The following RBFOX3 variants were observed in gnomAD, a reference collection of about 807,000 sequenced individuals.
RBFOX3 encodes RNA binding fox-1 homolog 3, also known as RNA binding protein fox-1 homolog 3.
In RBFOX3, 17 loss-of-function variants were observed where a neutral mutation model predicts 48.7. The observed-to-expected ratio is 0.35, with a 90% CI of 0.24 to 0.52. RBFOX3 has a LOEUF of 0.52. Among genes scored for constraint, RBFOX3 ranks in the 20% least tolerant of loss-of-function variants. RBFOX3 has a pLI of 0.94. For synonymous variants in RBFOX3, 212 were observed against 209.5 expected (o/e 1.01, Z -0.10); for missense variants, 382 against 497.5 (o/e 0.77, Z 2.21).
At chr17:79,105,669 G>A (rs182711448) in intron 6 of RBFOX3, among the ~76,000 whole-genome samples, 292 of 152,248 alleles carry the variant, frequency 1.9e-3, no homozygotes, top group Non-Finnish European at 2.3e-3. Flanking sequence ...GGCTGCCAGA[G>A]GTGCTTCCAG....
chr17:79,620,192 TG>T, the RBFOX3 span, among the ~76,000 whole-genome samples: 3 of 128,490 alleles, frequency 2.3e-5, no homozygotes, highest in Non-Finnish European at 4.8e-5. Flanking sequence ...CATGTGCACA[TG>T]CACACACGTG....
intron 1 of RBFOX3, among the ~76,000 whole-genome samples, chr17:79,561,833 C>T (rs2092241035): frequency 6.6e-6 from 1 of 152,200 alleles, no homozygotes; most frequent in Admixed American, 6.5e-5. Flanking sequence ...CCCGTCCACA[C>T]CTGTGTCTGG....
At chr17:79,229,802 C>T (rs1353247772) in intron 4 of RBFOX3, among the ~76,000 whole-genome samples, 4 of 152,120 alleles carry the variant, frequency 2.6e-5, no homozygotes, top group African/African-American at 4.8e-5. Flanking sequence ...TTGCCTTGGC[C>T]ACTTCCAACG....
chr17:79,113,812 C>T (rs1662687386), intron 5 of RBFOX3, among the ~76,000 whole-genome samples: 2 of 152,198 alleles, frequency 1.3e-5, no homozygotes, highest in Admixed American at 1.3e-4. Flanking sequence ...TCTTTGTAGC[C>T]TCAGTGCCAA....
At chr17:79,172,718 C>G (rs571250488) in intron 4 of RBFOX3, among the ~76,000 whole-genome samples, 1 of 152,174 alleles carries the variant, frequency 6.6e-6, no homozygotes, top group Non-Finnish European at 1.5e-5. Context: ...GTCCTGGAAA[C>G]GTGGCTTGTC....
At chr17:79,241,859 G>A (rs1019510100) in intron 3 of RBFOX3, among the ~76,000 whole-genome samples, 6 of 152,020 alleles carry the variant, frequency 3.9e-5, no homozygotes, top group Non-Finnish European at 7.4e-5. Flanking sequence ...TTCTTGTAAG[G>A]GCACTAATCC....
chr17:79,150,336 G>A (rs2044146886), intron 4 of RBFOX3, among the ~76,000 whole-genome samples: 2 of 152,046 alleles, frequency 1.3e-5, no homozygotes, highest in African/African-American at 4.8e-5. Context: ...AGTGGCTGCT[G>A]TGGGCCTGGG....
At chr17:79,338,553 C>T (rs561602761) in intron 2 of RBFOX3, among the ~76,000 whole-genome samples, 1 of 152,294 alleles carries the variant, frequency 6.6e-6, no homozygotes, top group East Asian at 1.9e-4. Context: ...CGCACCGCTG[C>T]TATTAGCCTG....
In RBFOX3 at chr17:79,356,471, C is replaced by T. The variant is rs773828607; in HGVS notation, c.-174-48647G>A. 2.1e-5 allele frequency among the ~76,000 whole-genome samples: 3 copies of T among 142,770 alleles called. No homozygotes were observed. In the East Asian group the frequency reaches 6.4e-4, roughly 31 times the overall value. 93.7% of individuals were successfully genotyped at this position (142,770 alleles called of 152,430 possible). A position where few individuals can be genotyped will look rare whatever the true frequency, so the allele number is the denominator to read the frequency against. On this transcript the variant is annotated intron_variant, in intron 2 of 14. Coordinates refer to ENST00000693108, the MANE Select transcript of RBFOX3 (RefSeq NM_001350451.2). ...GCAAGCTCCACCTCCCAGGTTCAAG[C>T]GATTCTCCTGCCTCAGCCTCCCAGG...
At chr17:79,177,617 G>A (rs2050883792) in intron 4 of RBFOX3, among the ~76,000 whole-genome samples, 1 of 152,178 alleles carries the variant, frequency 6.6e-6, no homozygotes, top group East Asian at 1.9e-4. Flanking sequence ...CCAAGCCCAG[G>A]TCCTCAGGTG....
chr17:79,462,751 G>A (rs1568292854), intron 2 of RBFOX3, among the ~76,000 whole-genome samples: 1 of 152,098 alleles, frequency 6.6e-6, no homozygotes, highest in Non-Finnish European at 1.5e-5. Context: ...TCCCAGATAC[G>A]GAATTATAAA....
chr17:79,498,124 CTG>C (rs2149693029), intron 1 of RBFOX3, among the ~76,000 whole-genome samples: 1 of 152,354 alleles, frequency 6.6e-6, no homozygotes, highest in South Asian at 2.1e-4. Flanking sequence ...AGAACACAGA[CTG>C]AGGCCTGGCA....
intron 2 of RBFOX3, among the ~76,000 whole-genome samples, chr17:79,339,344 C>G (rs1282490818): frequency 1.3e-5 from 2 of 152,240 alleles, no homozygotes; most frequent in African/African-American, 2.4e-5. Flanking sequence ...GCATGAGCCA[C>G]TGTGTCCAGC....
chr17:79,465,447 A>G (rs1440825921), intron 2 of RBFOX3, among the ~76,000 whole-genome samples: 6 of 152,082 alleles, frequency 3.9e-5, no homozygotes, highest in Non-Finnish European at 5.9e-5. Flanking sequence ...GGCCCTGCCC[A>G]GCGAACAGAT....
chr17:79,628,006 G>A, the RBFOX3 span, among the ~76,000 whole-genome samples: 126 of 149,934 alleles, frequency 8.4e-4, 1 homozygote, highest in African/African-American at 2.9e-3. Context: ...CAGAACAACT[G>A]CACAGAGGCT....
At chr17:79,509,685 C>T (rs2083809580) in intron 1 of RBFOX3, among the ~76,000 whole-genome samples, 3 of 152,110 alleles carry the variant, frequency 2.0e-5, no homozygotes, top group African/African-American at 4.8e-5. Flanking sequence ...CCTTTCCCTC[C>T]GTCATCCATC....
intron 4 of RBFOX3, among the ~76,000 whole-genome samples, chr17:79,128,538 C>T (rs184332891): frequency 1.3e-5 from 2 of 152,350 alleles, no homozygotes; most frequent in East Asian, 3.9e-4. Context: ...CGCCCAGAAA[C>T]AGGCCACCTC....
chr17:79,128,653 C>A (rs921229419), intron 4 of RBFOX3, among the ~76,000 whole-genome samples: 2 of 152,164 alleles, frequency 1.3e-5, no homozygotes, highest in African/African-American at 4.8e-5. Flanking sequence ...GCATGGAACA[C>A]CCCCAAAAGC....
At chr17:79,372,091 G>A (rs370665502) in intron 2 of RBFOX3, among the ~76,000 whole-genome samples, 19 of 152,084 alleles carry the variant, frequency 1.2e-4, no homozygotes, top group Middle Eastern at 3.4e-3. Flanking sequence ...CCCTCTAAAC[G>A]CCAGTAACTG....
Sources: allele counts gnomAD v4.1 joint callset (sites outside exome capture counted in the v4.1 genomes callset), GRCh38; gene constraint gnomAD v4.1.1; transcripts MANE v1.5; gene names NCBI Gene and HGNC (gene_info 2026-07-23, HGNC 2026-07-21).